ACSS3: variants seen among roughly 807,000 people sequenced by gnomAD.
The protein encoded by ACSS3 is acyl-CoA synthetase short-chain family member 3, mitochondrial.
In ACSS3, 64 loss-of-function variants were observed where a neutral mutation model predicts 84.2. The ratio of observed to expected loss-of-function variants is 0.76; its 90% CI spans 0.62 to 0.94. The LOEUF is 0.94. Among genes scored for constraint, ACSS3 ranks in the 40% least tolerant of loss-of-function variants. The pLI is 0.00. For synonymous variants in ACSS3, 317 were observed against 310.1 expected (o/e 1.02, Z -0.23); for missense variants, 815 against 867.6 (o/e 0.94, Z 0.76).
chr12:81,246,589 C>T (rs1057077797), intron 13 of ACSS3, among the ~76,000 whole-genome samples: 53 of 152,238 alleles, frequency 3.5e-4, no homozygotes, highest in African/African-American at 1.3e-3. Context: ...CTGAGTCTAC[C>T]AATATATATT....
intron 9 of ACSS3, among the ~76,000 whole-genome samples, chr12:81,213,965 T>TTCTTTCTC (rs2032788427): frequency 1.0e-4 from 2 of 19,336 alleles, no homozygotes; most frequent in African/African-American, 2.6e-4. Flanking sequence ...CTCTCTTTCT[T>TTCTTTCTC]TCTTTCTTTC....
intron 5 of ACSS3, among the ~76,000 whole-genome samples, chr12:81,144,889 CT>C (rs1181085280): frequency 2.3e-5 from 3 of 132,442 alleles, no homozygotes; most frequent in African/African-American, 7.9e-5. Flanking sequence ...TCCAGGTTTT[CT>C]TTTTTTTCTT....
In ACSS3 at chr12:81,109,565, TG is replaced by T; in HGVS notation, c.319del (p.Glu107LysfsTer71). ...ACTTTCCAATTATTTTTCAGGTTTG[TG>T]GAAGGAATGCTTAACATTTGTTACA... ...NKHSPSTRWF[V>X]EGMLNICYNA... On this transcript the variant is annotated frameshift_variant, in exon 2 of 16. Coordinates refer to ENST00000548058, the MANE Select transcript of ACSS3 (RefSeq NM_024560.4). LOFTEE classifies it high-confidence loss of function. The T allele has an allele frequency of 1.2e-6, 2 of 1,604,610 alleles. No individual in the cohort carries two copies. The highest frequency in any genetic ancestry group is 1.7e-6 in the Non-Finnish European group (2 of 1,176,924).
At chr12:81,121,394 G>T (rs902984563) in intron 2 of ACSS3, among the ~76,000 whole-genome samples, 1 of 150,344 alleles carries the variant, frequency 6.7e-6, no homozygotes, top group African/African-American at 2.4e-5. Context: ...CTTTCTTTAA[G>T]AGAAAAAAAG....
chr12:81,087,875 G>C (rs1207241723), intron 1 of ACSS3, among the ~76,000 whole-genome samples: 1 of 152,052 alleles, frequency 6.6e-6, no homozygotes, highest in East Asian at 1.9e-4. Context: ...TTAGTTAGTG[G>C]AGAAAACAAA....
intron 9 of ACSS3, among the ~76,000 whole-genome samples, chr12:81,205,633 T>C (rs762510436): frequency 6.6e-6 from 1 of 152,054 alleles, no homozygotes; most frequent in Non-Finnish European, 1.5e-5. Flanking sequence ...GGTATCAAAG[T>C]CTAAGTCACT....
At chr12:81,253,783 C>T in intron 15 of ACSS3, 113 bp downstream of exon 15, 2 of 1,022,382 alleles carry the variant, frequency 2.0e-6, no homozygotes, top group Non-Finnish European at 2.8e-6. Flanking sequence ...CTCTAGAAAA[C>T]ACATAATAGT....
chr12:81,124,360 G>A (rs1285313397), intron 2 of ACSS3: 1 of 152,030 alleles, frequency 6.6e-6, no homozygotes, highest in African/African-American at 2.4e-5. Context: ...TGTTATCCGG[G>A]TTAGGTTTTT....
chr12:81,249,872 T>G (rs1273150116), intron 13 of ACSS3, among the ~76,000 whole-genome samples: 1 of 152,134 alleles, frequency 6.6e-6, no homozygotes, highest in Non-Finnish European at 1.5e-5. Flanking sequence ...ATTAAGATTC[T>G]TAAAAATGTA....
intron 7 of ACSS3, among the ~76,000 whole-genome samples, chr12:81,156,591 T>C (rs960147231): frequency 6.6e-6 from 1 of 152,066 alleles, no homozygotes; most frequent in African/African-American, 2.4e-5. Flanking sequence ...AAATTACCAG[T>C]ACCACATGTG....
At chr12:81,249,225 C>A (rs2034080551) in intron 13 of ACSS3, among the ~76,000 whole-genome samples, 1 of 152,080 alleles carries the variant, frequency 6.6e-6, no homozygotes, top group Non-Finnish European at 1.5e-5. Context: ...CTAAAATTTG[C>A]AGAAGCTAAT....
intron 8 of ACSS3, among the ~76,000 whole-genome samples, chr12:81,190,524 A>G (rs2031511979): frequency 6.6e-6 from 1 of 151,978 alleles, no homozygotes. Flanking sequence ...TATATGTATG[A>G]TTGTATTATG....
At chr12:81,105,235 A>C (rs1379442487) in intron 1 of ACSS3, among the ~76,000 whole-genome samples, 1 of 152,232 alleles carries the variant, frequency 6.6e-6, no homozygotes, top group African/African-American at 2.4e-5. Flanking sequence ...GAACACATTC[A>C]AAACAATTTT....
chr12:81,098,182 G>GTA (rs1882219756), intron 1 of ACSS3, among the ~76,000 whole-genome samples: 1 of 64,748 alleles, frequency 1.5e-5, no homozygotes, highest in African/African-American at 3.8e-5. Flanking sequence ...GTGTGTGTGA[G>GTA]ACTGTGCCCT....
At chr12:81,151,788 A>G in intron 5 of ACSS3, 56 bp from the exon 6 acceptor site, 2 of 1,474,532 alleles carry the variant, frequency 1.4e-6, no homozygotes, top group Non-Finnish European at 1.9e-6. Flanking sequence ...CTATGAAGAT[A>G]GAGAGTGTTT....
At chr12:81,174,578 T>A in intron 7 of ACSS3, 1 of 446,552 alleles carries the variant, frequency 2.2e-6, no homozygotes, top group South Asian at 7.1e-5. Flanking sequence ...ATTTGAAAGG[T>A]TTTAGGATAC....
At chr12:81,245,370 G>C (rs935531313) in intron 13 of ACSS3, among the ~76,000 whole-genome samples, 3 of 152,222 alleles carry the variant, frequency 2.0e-5, no homozygotes, top group African/African-American at 7.2e-5. Context: ...GCTGAGGCAG[G>C]AGAATGGCGT....
chr12:81,108,755 TA>T (rs1883306514), intron 1 of ACSS3, among the ~76,000 whole-genome samples: 1 of 152,344 alleles, frequency 6.6e-6, no homozygotes, highest in Admixed American at 6.5e-5. Flanking sequence ...CTATATTTGG[TA>T]GTCTGACATT....
chr12:81,098,230 C>T (rs1882224453), intron 1 of ACSS3, among the ~76,000 whole-genome samples: 1 of 151,010 alleles, frequency 6.6e-6, no homozygotes, highest in Non-Finnish European at 1.5e-5. Flanking sequence ...TGGTTCCTGC[C>T]CTGTCCCCTG....
Sources: allele counts gnomAD v4.1 joint callset (sites outside exome capture counted in the v4.1 genomes callset), GRCh38; gene constraint gnomAD v4.1.1; transcripts MANE v1.5; gene names NCBI Gene and HGNC (gene_info 2026-07-23, HGNC 2026-07-21).